The following IGSF21 variants were observed in gnomAD, a reference collection of about 807,000 sequenced individuals.
IGSF21 encodes the protein immunoglobin superfamily member 21.
IGSF21 carries 28 observed loss-of-function variants against 46.8 expected under a neutral mutation model. The observed-to-expected ratio is 0.60, with a 90% confidence interval of 0.44 to 0.82. IGSF21 has a LOEUF of 0.82. IGSF21 is among the 40% of genes least tolerant of loss of function. IGSF21 has a pLI of 0.00. For synonymous variants in IGSF21, 284 were observed against 273.6 expected, an observed-to-expected ratio of 1.04 and a Z score of -0.38; for missense variants, 624 against 665.5, an observed-to-expected ratio of 0.94 and a Z score of 0.69.
chr1:18,344,268 A>G (rs2085871098), intron 4 of IGSF21, among the ~76,000 whole-genome samples: 1 of 152,172 alleles, frequency 6.6e-6, no homozygotes, highest in Non-Finnish European at 1.5e-5. Flanking sequence ...TCCCAGGCTC[A>G]AGCAATCCTC....
intron 1 of IGSF21, among the ~76,000 whole-genome samples, chr1:18,146,768 T>C (rs765547101): frequency 2.0e-5 from 3 of 152,156 alleles, no homozygotes; most frequent in Non-Finnish European, 2.9e-5. Context: ...CATTTCTCTC[T>C]TCATGACGCT....
intron 1 of IGSF21, among the ~76,000 whole-genome samples, chr1:18,162,032 TTTTTCC>T (rs1234851465): frequency 6.6e-6 from 1 of 152,108 alleles, no homozygotes; most frequent in Non-Finnish European, 1.5e-5. Context: ...TCTTTCTTTC[TTTTTCC>T]TTTTCCTTTT....
intron 3 of IGSF21, among the ~76,000 whole-genome samples, chr1:18,292,604 G>A (rs1190151718): frequency 6.6e-6 from 1 of 152,190 alleles, no homozygotes; most frequent in African/African-American, 2.4e-5. Flanking sequence ...CTCTATGTGT[G>A]TGGCTCTATC....
intron 1 of IGSF21, among the ~76,000 whole-genome samples, chr1:18,158,546 G>A (rs373511888): frequency 5.4e-4 from 82 of 152,174 alleles, no homozygotes; most frequent in East Asian, 1.9e-3. Context: ...GGGCAGCGTC[G>A]GGGAACAGTG....
At chr1:18,234,737 T>C (rs2084657958) in intron 2 of IGSF21, among the ~76,000 whole-genome samples, 1 of 152,196 alleles carries the variant, frequency 6.6e-6, no homozygotes. Context: ...ACCATCTCCA[T>C]GATCCAATCA....
chr1:18,324,154 G>T (rs1372014810), intron 3 of IGSF21, among the ~76,000 whole-genome samples: 2 of 152,216 alleles, frequency 1.3e-5, no homozygotes, highest in Admixed American at 6.5e-5. Flanking sequence ...CCAGAGGAAT[G>T]GCTGGAAGGT....
rs919154091 is a variant in IGSF21 at position 18,378,390 on chromosome 1, C to A, written c.*64C>A. The A allele has an allele frequency of 7.6e-7, 1 of 1,324,370 alleles. No individual in the cohort carries two copies. Among genetic ancestry groups the A allele is most frequent in the Admixed American group, 1.9e-5 (1 of 53,866 alleles). The allele number at this position is 1,324,370 out of a possible 1,614,324, so 82.0% of individuals were successfully genotyped here. A position where few individuals can be genotyped will look rare whatever the true frequency, so the allele number is the denominator to read the frequency against. On this transcript the variant is annotated 3_prime_UTR_variant, in exon 10 of 10. Transcript: ENST00000251296. The stretch of plus-strand genomic sequence containing the variant: ...TCCACGACCGGTTTTCATTTCTTTT[C>A]TAAACTATTTCCAGTCTTGTTCTTA...
rs2086147016 is a variant in IGSF21, at chr1:18,365,134, C to T, written c.541-89C>T. On this transcript the variant is annotated intron_variant, in intron 5 of 9. Coordinates refer to ENST00000251296, the MANE Select transcript of IGSF21 (RefSeq NM_032880.5). The surrounding 1 kb of genome is among the most constrained non-coding windows in gnomAD (Gnocchi z 4.8). ...GACTACTATGCTCTGGAAGAACTGG[C>T]ATCCTGTGCCCAGTTCATCGGAGAA... The T allele has an allele frequency of 4.1e-6, 4 of 970,020 alleles. No homozygotes were observed. The South Asian group carries it at 4.6e-5, about 11-fold the overall frequency. The allele number at this position is 970,020 out of a possible 1,614,324, so 60.1% of individuals were successfully genotyped here.
At chr1:18,355,270 G>C (rs1428007485) in intron 4 of IGSF21, among the ~76,000 whole-genome samples, 1 of 152,200 alleles carries the variant, frequency 6.6e-6, no homozygotes, top group Non-Finnish European at 1.5e-5. Context: ...AAATTTCAAA[G>C]GCCACGGAAT....
At chr1:18,357,004 G>C (rs973707387) in intron 4 of IGSF21, among the ~76,000 whole-genome samples, 1 of 151,856 alleles carries the variant, frequency 6.6e-6, no homozygotes, top group Non-Finnish European at 1.5e-5. Context: ...ATGGAGTGGA[G>C]ATGGGGATAG....
intron 1 of IGSF21, among the ~76,000 whole-genome samples, chr1:18,124,148 C>T (rs1176378129): frequency 1.3e-5 from 2 of 152,226 alleles, no homozygotes; most frequent in Non-Finnish European, 2.9e-5. Flanking sequence ...CCCCTCTCGG[C>T]TATATGGATC....
At chr1:18,251,563 T>C (rs759800051) in intron 2 of IGSF21, among the ~76,000 whole-genome samples, 1 of 152,194 alleles carries the variant, frequency 6.6e-6, no homozygotes, top group African/African-American at 2.4e-5. Context: ...TGGATTGCTC[T>C]TATGGGCCAG....
At chr1:18,265,124 T>C (rs934388372) in intron 2 of IGSF21, among the ~76,000 whole-genome samples, 9 of 152,250 alleles carry the variant, frequency 5.9e-5, no homozygotes, top group African/African-American at 2.2e-4. Flanking sequence ...GAACCTGACC[T>C]GAACTGACTT....
At chr1:18,243,617 G>A (rs190856344) in intron 2 of IGSF21, among the ~76,000 whole-genome samples, 1 of 152,190 alleles carries the variant, frequency 6.6e-6, no homozygotes, top group Non-Finnish European at 1.5e-5. Context: ...AGTTTTGCCT[G>A]ATACTTAACA....
At chr1:18,273,064 T>TTTTTTTTTTTTTTG (rs2085058805) in intron 2 of IGSF21, among the ~76,000 whole-genome samples, 2 of 143,108 alleles carry the variant, frequency 1.4e-5, no homozygotes, top group Non-Finnish European at 3.0e-5. Flanking sequence ...TTTTTTTTTT[T>TTTTTTTTTTTTTTG]AGATGGAGTC....
chr1:18,244,632 T>A (rs1049284074), intron 2 of IGSF21, among the ~76,000 whole-genome samples: 1 of 152,220 alleles, frequency 6.6e-6, no homozygotes, highest in Non-Finnish European at 1.5e-5. Flanking sequence ...TTGAGAGCCC[T>A]CTGTGTCTCA....
intron 1 of IGSF21, among the ~76,000 whole-genome samples, chr1:18,165,063 CTCA>C (rs1185854008): frequency 1.3e-5 from 2 of 151,934 alleles, no homozygotes; most frequent in African/African-American, 4.8e-5. Flanking sequence ...AGGATATGAA[CTCA>C]TCATTTTTTG....
intron 1 of IGSF21, among the ~76,000 whole-genome samples, chr1:18,172,293 GTT>G (rs1443049542): frequency 6.6e-6 from 1 of 152,192 alleles, no homozygotes; most frequent in Non-Finnish European, 1.5e-5. Context: ...GTAAGAGTCT[GTT>G]TTCCTGGAGC....
chr1:18,281,525 C>G (rs949400613), intron 2 of IGSF21, among the ~76,000 whole-genome samples: 1 of 150,432 alleles, frequency 6.6e-6, no homozygotes, highest in East Asian at 2.0e-4. Context: ...GACATGGTGC[C>G]GCTGCACTCC....
Sources: gnomAD v4.1 joint callset for allele counts (sites outside exome capture counted in the v4.1 genomes callset) on GRCh38, gnomAD v4.1.1 for gene constraint, Gnocchi (gnomAD v3.1) non-coding constraint, MANE v1.5 for transcripts, NCBI Gene and HGNC (gene_info 2026-07-23, HGNC 2026-07-21) for gene names.